The following WFIKKN2 variants were observed in gnomAD, a reference collection of about 807,000 sequenced individuals.
The protein encoded by WFIKKN2 is WAP, follistatin/kazal, immunoglobulin, kunitz and netrin domain containing 2.
In WFIKKN2, 25 loss-of-function variants were observed where a neutral mutation model predicts 39.2. The observed-to-expected ratio is 0.64, with a 90% CI of 0.47 to 0.89. WFIKKN2 has a LOEUF of 0.89. WFIKKN2 is among the 40% of genes least tolerant of loss of function. The probability of loss-of-function intolerance (pLI) is 0.00; values close to 1 mark genes in which losing one functional copy is unlikely to be tolerated. For synonymous variants in WFIKKN2, 345 were observed against 329.7 expected (o/e 1.05, Z -0.50); for missense variants, 770 against 811.7 (o/e 0.95, Z 0.62).
chr17:50,835,842 AG>A lies in WFIKKN2; in HGVS notation c.-93del, dbSNP rs1971946513. On this transcript the variant is annotated 5_prime_UTR_variant, in exon 1 of 2. Transcript: ENST00000311378. ...GAGCAGGAAACCTGCTGGGGTGGGG[AG>A]GGCAGGTGTCTGCAGCCCCTGAGAA... 7.5e-7 allele frequency: 1 copy of A among 1,340,280 alleles called. No homozygotes were observed. The highest frequency in any genetic ancestry group is 1.0e-6 in the Non-Finnish European group (1 of 990,566). 83.0% of individuals were successfully genotyped at this position (1,340,280 alleles called of 1,614,324 possible).
chr17:50,841,084 G>A lies in WFIKKN2; in HGVS notation c.*65G>A. The A allele has an allele frequency of 7.0e-7, 1 of 1,436,930 alleles. No individual in the cohort carries two copies. Among genetic ancestry groups the A allele is most frequent in the Non-Finnish European group, 9.2e-7 (1 of 1,087,948 alleles). The allele number at this position is 1,436,930 out of a possible 1,614,324, so 89.0% of individuals were successfully genotyped here. A position where few individuals can be genotyped will look rare whatever the true frequency, so the allele number is the denominator to read the frequency against. On this transcript the variant is annotated 3_prime_UTR_variant, in exon 2 of 2. Transcript: ENST00000311378. ...CACCTATCCACCCCAATGCCTCTCA[G>A]CAAACTGGGCGAGGTCAGATTAGAC...
Position 50,840,196 on chromosome 17 carries a change from C to T in WFIKKN2, c.908C>T (p.Ser303Leu), listed in dbSNP as rs201034165. Residue 303 changes from serine to leucine, a missense_variant, in exon 2 of 2, where the codon TCG (serine) becomes TTG (leucine). By Grantham distance (145) the Ser-to-Leu change is moderately radical (BLOSUM62 -2). Coordinates refer to ENST00000311378, the MANE Select transcript of WFIKKN2 (RefSeq NM_175575.6). ...GTCCTGAGGGCTGATTTCCCGCTGT[C>T]GGTGGTCAGGGGTCATCAGGCTGCA... The part of the protein sequence containing the change: ...AGVLRADFPL[S>L]VVRGHQAAAT... 106 of 1,613,758 alleles carry T rather than the reference C, an allele frequency of 6.6e-5. 1 individual carries two copies. The South Asian group carries it at 7.2e-4, about 11-fold the overall frequency.
chr17:50,840,112 A>G lies in WFIKKN2; in HGVS notation c.824A>G (p.Tyr275Cys). Residue 275 changes from tyrosine to cysteine, a missense_variant, in exon 2 of 2, where the codon TAT becomes TGT. Coordinates refer to ENST00000311378, the MANE Select transcript of WFIKKN2 (RefSeq NM_175575.6). Reference sequence around the variant, plus strand: ...ACCAACATTGCCCAGCTGGTCATCTATAACGCCCAGCTGCAGGATGCTGGG... The same window carrying G: ...ACCAACATTGCCCAGCTGGTCATCTGTAACGCCCAGCTGCAGGATGCTGGG... ...VVTNIAQLVIYNAQLQDAGIY... is the reference protein window; with the variant it reads ...VVTNIAQLVICNAQLQDAGIY... 3 of 1,601,622 alleles carry G rather than the reference A, an allele frequency of 1.9e-6. No individual in the cohort carries two copies. Among genetic ancestry groups the G allele is most frequent in the Non-Finnish European group, 2.6e-6 (3 of 1,174,524 alleles).
chr17:50,836,471 G>A (rs1052562930), intron 1 of WFIKKN2, among the ~76,000 whole-genome samples: 1 of 151,600 alleles, frequency 6.6e-6, no homozygotes, highest in Non-Finnish European at 1.5e-5. Flanking sequence ...GCCGGTGTGT[G>A]AGGCGGACCA....
Position 50,840,248 on chromosome 17 carries a change from C to T in WFIKKN2, c.960C>T (p.Gly320=), listed in dbSNP as rs36031777. 0.044 allele frequency: 70,698 copies of T among 1,613,968 alleles called. 3,665 individuals carry two copies. Among genetic ancestry groups the T allele is most frequent in the South Asian group, 0.21 (18,673 of 91,076 alleles). ...AAATSESSPN[G]TAFPAAECLK... ...CCACCTCAGAGAGCAGCCCCAATGG[C>T]ACGGCTTTCCCGGCGGCCGAGTGCC... The change falls in exon 2 of 2, where the codon GGC becomes GGT. Residue 320 remains glycine, a synonymous_variant. Coordinates refer to ENST00000311378, the MANE Select transcript of WFIKKN2 (RefSeq NM_175575.6).
rs184370068 is a variant in WFIKKN2 at position 50,841,341 on chromosome 17, C to G, written c.*322C>G. 122 of 241,008 alleles carry G rather than the reference C, an allele frequency of 5.1e-4. No individual in the cohort carries two copies. The highest frequency in any genetic ancestry group is 8.2e-4 in the Non-Finnish European group (101 of 123,806). 14.9% of individuals were successfully genotyped at this position (241,008 alleles called of 1,614,324 possible). ...CACCCCTGGCTCTCCCAGTCACCCT[C>G]CCCTAGCCAGTCTCCCAGCAAGGGT... On this transcript the variant is annotated 3_prime_UTR_variant, in exon 2 of 2. Transcript: ENST00000311378.
intron 1 of WFIKKN2, among the ~76,000 whole-genome samples, chr17:50,838,034 C>A (rs1354432049): frequency 2.6e-5 from 4 of 152,134 alleles, no homozygotes; most frequent in Non-Finnish European, 4.4e-5. Context: ...GAAGTACCTT[C>A]CCTCTGGTGC....
rs1329153272 is a variant in WFIKKN2, at chr17:50,840,249, A to G, written c.961A>G (p.Thr321Ala). The change falls in exon 2 of 2, where the codon ACG becomes GCG. Residue 321 changes from threonine (T) to alanine (A), a missense_variant. Transcript: ENST00000311378. ...CACCTCAGAGAGCAGCCCCAATGGCACGGCTTTCCCGGCGGCCGAGTGCCT... is the reference window on the plus strand; with the variant it reads ...CACCTCAGAGAGCAGCCCCAATGGCGCGGCTTTCCCGGCGGCCGAGTGCCT... Reference protein sequence around the residue: ...AATSESSPNGTAFPAAECLKP... With the variant: ...AATSESSPNGAAFPAAECLKP... 5.6e-6 allele frequency: 9 copies of G among 1,613,820 alleles called. No homozygotes were observed. The African/African-American group carries it at 1.1e-4, about 19-fold the overall frequency.
In WFIKKN2 at chr17:50,839,992, G is replaced by C. The variant is rs1398813982; in HGVS notation, c.704G>C (p.Gly235Ala). 6.2e-7 allele frequency: 1 copy of C among 1,614,174 alleles called. No homozygotes were observed. The highest frequency in any genetic ancestry group is 2.2e-5 in the East Asian group (1 of 44,884). ...GTGAGCTTCCTCTGTGATGTGGTGG[G>C]CCGGCCCCGGCCTGAGATCACCTGG... ...ETVSFLCDVVGRPRPEITWEK... is the reference protein window; with the variant it reads ...ETVSFLCDVVARPRPEITWEK... Residue 235 changes from glycine to alanine, a missense_variant, in exon 2 of 2, where the codon GGC (glycine) becomes GCC (alanine). Coordinates refer to ENST00000311378, the MANE Select transcript of WFIKKN2 (RefSeq NM_175575.6).
At chr17:50,837,430 C>A (rs927800440) in intron 1 of WFIKKN2, among the ~76,000 whole-genome samples, 3 of 152,214 alleles carry the variant, frequency 2.0e-5, no homozygotes, top group African/African-American at 7.2e-5. Context: ...CAGGGCAGGG[C>A]CAGTTCTCTT....
In WFIKKN2 at chr17:50,842,035, C is replaced by T. The variant is rs1004204272; in HGVS notation, c.*1016C>T. ...CTGGAGAAGGAAAAGGAACATTGCTCGATGCTCCCATCTGGTGGCGGCCTC... is the reference window on the plus strand; with the variant it reads ...CTGGAGAAGGAAAAGGAACATTGCTTGATGCTCCCATCTGGTGGCGGCCTC... On this transcript the variant is annotated 3_prime_UTR_variant, in exon 2 of 2. Coordinates refer to ENST00000311378, the MANE Select transcript of WFIKKN2 (RefSeq NM_175575.6). The T allele has an allele frequency of 6.6e-6, 1 of 151,194 alleles. No individual in the cohort carries two copies. Among genetic ancestry groups the T allele is most frequent in the Non-Finnish European group, 1.5e-5 (1 of 67,798 alleles). The allele number at this position is 151,194 out of a possible 1,614,324, so 9.4% of individuals were successfully genotyped here. A position where few individuals can be genotyped will look rare whatever the true frequency, so the allele number is the denominator to read the frequency against.
intron 1 of WFIKKN2, among the ~76,000 whole-genome samples, chr17:50,838,030 C>A (rs1231013488): frequency 6.6e-6 from 1 of 152,124 alleles, no homozygotes; most frequent in South Asian, 2.1e-4. Context: ...GCCAGAAGTA[C>A]CTTCCCTCTG....
At chr17:50,837,298 C>T (rs966161085) in intron 1 of WFIKKN2, among the ~76,000 whole-genome samples, 4 of 152,188 alleles carry the variant, frequency 2.6e-5, no homozygotes, top group East Asian at 1.9e-4. Context: ...ACCAGGCTGA[C>T]GGCAGGCCAA....
In WFIKKN2 at chr17:50,840,278, G is replaced by A. The variant is rs1451328670; in HGVS notation, c.990G>A (p.Lys330=). 2 of 1,613,902 alleles carry A rather than the reference G, an allele frequency of 1.2e-6. No homozygotes were observed. Among genetic ancestry groups the A allele is most frequent in the African/African-American group, 2.7e-5 (2 of 74,946 alleles). The change falls in exon 2 of 2, where the codon AAG becomes AAA. Residue 330 remains lysine (K), a synonymous_variant. Coordinates refer to ENST00000311378, the MANE Select transcript of WFIKKN2 (RefSeq NM_175575.6). ...GTAFPAAECL[K]PPDSEDCGEE... is the part of the protein sequence containing the mutation. ...CTTTCCCGGCGGCCGAGTGCCTGAA[G>A]CCCCCAGACAGTGAGGACTGTGGCG...
chr17:50,836,490 G>A (rs1971961170), intron 1 of WFIKKN2, among the ~76,000 whole-genome samples: 1 of 151,556 alleles, frequency 6.6e-6, no homozygotes, highest in African/African-American at 2.4e-5. Flanking sequence ...CAGGTGAGTG[G>A]GGTCCAGAAG....
upstream of WFIKKN2, chr17:50,835,494 C>T (rs1476714438): frequency 5.9e-6 from 1 of 168,560 alleles, no homozygotes; most frequent in Admixed American, 6.3e-5. Flanking sequence ...AAGCAGGTGT[C>T]CCACCGTGCC....
intron 1 of WFIKKN2, among the ~76,000 whole-genome samples, chr17:50,838,827 C>T (rs1038984783): frequency 1.7e-4 from 26 of 152,186 alleles, no homozygotes; most frequent in African/African-American, 5.8e-4. Flanking sequence ...CCTCTGTTCC[C>T]CGTGTGTGTC....
chr17:50,839,897 T>C lies in WFIKKN2; in HGVS notation c.609T>C (p.Pro203=). 6.2e-7 allele frequency: 1 copy of C among 1,614,044 alleles called. No homozygotes were observed. The highest frequency in any genetic ancestry group is 8.5e-7 in the Non-Finnish European group (1 of 1,179,986). Residue 203 remains proline (P), a synonymous_variant, in exon 2 of 2, where the codon CCT becomes CCC. Coordinates refer to ENST00000311378, the MANE Select transcript of WFIKKN2 (RefSeq NM_175575.6). ...MHPTTASPET[P]ELDMAAPALL... ...CCACCACAGCCTCCCCAGAGACCCC[T>C]GAGCTGGACATGGCGGCCCCTGCGC...
chr17:50,836,178 CACGTGAGCCTGTGAGTG>C, intron 1 of WFIKKN2, 31 bp downstream of exon 1: 1 of 1,601,708 alleles, frequency 6.2e-7, no homozygotes, highest in Non-Finnish European at 8.5e-7. Context: ...AGAGATGGAC[CACGTGAGCCTGTGAGTG>C]ACGGGGGTGG....
Sources: allele counts gnomAD v4.1 joint callset (sites outside exome capture counted in the v4.1 genomes callset), GRCh38; gene constraint gnomAD v4.1.1; transcripts MANE v1.5; gene names NCBI Gene and HGNC (gene_info 2026-07-23, HGNC 2026-07-21).